FHIP2B: variants seen among roughly 807,000 people sequenced by gnomAD.
FHIP2B encodes the protein FHF complex subunit HOOK interacting protein 2B.
A neutral mutation model predicts 84.0 loss-of-function variants in FHIP2B; 72 were observed. That is an observed-to-expected ratio of 0.86 (90% CI 0.71 to 1.04). The LOEUF (loss-of-function observed/expected upper bound fraction) is 1.04. Ranked by LOEUF, FHIP2B falls within the 50% of genes least tolerant of loss-of-function variation. The probability of loss-of-function intolerance (pLI) is 0.00; values close to 1 mark genes in which losing one functional copy is unlikely to be tolerated. For synonymous variants in FHIP2B, 497 were observed against 418.7 expected (o/e 1.19, Z -2.28); for missense variants, 972 against 968.9 (o/e 1.00, Z -0.04).
Position 22,101,749 on chromosome 8 carries a change from T to C in FHIP2B, c.1749T>C (p.Pro583=). 3 of 1,613,316 alleles carry C rather than the reference T, an allele frequency of 1.9e-6. No individual in the cohort carries two copies. The highest frequency in any genetic ancestry group is 2.5e-6 in the Non-Finnish European group (3 of 1,179,714). Reference sequence around the variant, plus strand: ...CCCGCGTCGCCTCCTGGGGCTGGCCTCTGACCCCCACACCTTTGGACCCCC... The same window carrying C: ...CCCGCGTCGCCTCCTGGGGCTGGCCCCTGACCCCCACACCTTTGGACCCCC... ...CSSRVASWGW[P]LTPTPLDPHE... is the part of the protein sequence containing the mutation. The change falls in exon 14 of 17, where the codon CCT becomes CCC. Residue 583 remains proline (P), a synonymous_variant. Transcript: ENST00000289921.
intron 1 of FHIP2B, among the ~76,000 whole-genome samples, chr8:22,092,580 TG>T (rs1825549847): frequency 6.7e-6 from 1 of 148,328 alleles, no homozygotes; most frequent in Admixed American, 6.7e-5. Flanking sequence ...TTTTTTTTTT[TG>T]AGACTCTGTC....
At position 22,104,831 on chromosome 8, in the gene FHIP2B, T is replaced by TTAAAAAAAAAAAAAAAAAAA. The variant is rs370807518; in HGVS notation, c.*1900_*1901insTAAAAAAAAAAAAAAAAAAA. On this transcript the variant is annotated 3_prime_UTR_variant, in exon 17 of 17. Coordinates refer to ENST00000289921, the MANE Select transcript of FHIP2B (RefSeq NM_022749.7). ...CTGGGCAATAGAGTAAGACCCTGTC[T>TTAAAAAAAAAAAAAAAAAAA]AAAAAAAAAAAAAAAAAATTTCACA... 7.1e-5 allele frequency: 9 copies of TTAAAAAAAAAAAAAAAAAAA among 126,520 alleles called. No homozygotes were observed. Among genetic ancestry groups the TTAAAAAAAAAAAAAAAAAAA allele is most frequent in the Non-Finnish European group, 1.2e-4 (7 of 60,430 alleles). 7.8% of individuals were successfully genotyped at this position (126,520 alleles called of 1,614,324 possible).
chr8:22,089,865 G>A (rs1438522986), intron 1 of FHIP2B: 8 of 1,267,480 alleles, frequency 6.3e-6, no homozygotes, highest in African/African-American at 1.5e-5. Context: ...GTAAAGACCC[G>A]GGGCAGGCTG....
At chr8:22,101,653 G>A (rs1358193227) in intron 13 of FHIP2B, 55 bp from the exon 14 acceptor site, 3 of 1,568,716 alleles carry the variant, frequency 1.9e-6, no homozygotes, top group African/African-American at 2.7e-5. Flanking sequence ...GTGGGGCCCT[G>A]TCTGCTGGTT....
chr8:22,101,046 C>T (rs146064967), intron 12 of FHIP2B, 74 bp downstream of exon 12: 51 of 1,508,114 alleles, frequency 3.4e-5, no homozygotes, highest in African/African-American at 1.5e-4. Flanking sequence ...GATAGAGTCT[C>T]GCTCCGTCAC....
rs1339624724 is a variant in FHIP2B, at chr8:22,089,289, C to T, written c.36C>T (p.Ala12=). ...GGCTCGGGGCGCTGCTGCAGGAAGC[C>T]GTGGGGGCGGTGAGGCCGGCAGGGC... is the stretch of plus-strand genomic sequence containing the variant. The part of the protein sequence containing the change: ...LSRLGALLQE[A]VGAREPSIDL... The change falls in exon 1 of 17, where the codon GCC becomes GCT. Residue 12 remains alanine, a synonymous_variant. Transcript: ENST00000289921. 3.9e-6 allele frequency: 4 copies of T among 1,036,472 alleles called. No individual in the cohort carries two copies. The East Asian group carries it at 3.2e-4, about 83-fold the overall frequency. 64.2% of individuals were successfully genotyped at this position (1,036,472 alleles called of 1,614,324 possible).
chr8:22,089,421 C>T, intron 1 of FHIP2B, 123 bp downstream of exon 1: 1 of 441,072 alleles, frequency 2.3e-6, no homozygotes, highest in South Asian at 9.5e-5. Flanking sequence ...GGGCAGGGAC[C>T]CCCGGGCCGC....
chr8:22,097,391 C>T (rs539705413), intron 3 of FHIP2B, 125 bp from the exon 4 acceptor site: 57 of 615,890 alleles, frequency 9.3e-5, no homozygotes, highest in African/African-American at 9.0e-4. Context: ...GCCTCAGTAC[C>T]CCCCAGGCAT....
At position 22,089,305 on chromosome 8, in the gene FHIP2B, C is replaced by G; in HGVS notation, c.45+7C>G. The G allele has an allele frequency of 3.9e-6, 4 of 1,020,448 alleles. No homozygotes were observed. The highest frequency in any genetic ancestry group is 4.7e-6 in the Non-Finnish European group (4 of 854,436). The allele number at this position is 1,020,448 out of a possible 1,614,324, so 63.2% of individuals were successfully genotyped here. The stretch of plus-strand genomic sequence containing the variant: ...GCAGGAAGCCGTGGGGGCGGTGAGG[C>G]CGGCAGGGCCGGGCCGGGCCGCCGG... On this transcript the variant is annotated splice_region_variant and intron_variant, in intron 1 of 16. Transcript: ENST00000289921.
At chr8:22,100,450 C>A in intron 10 of FHIP2B, 144 bp from the exon 11 acceptor site, 1 of 866,508 alleles carries the variant, frequency 1.2e-6, no homozygotes, top group Non-Finnish European at 1.6e-6. Context: ...CCCCCAACTA[C>A]CCCCAAAACC....
chr8:22,098,723 C>T (rs1825936381), intron 7 of FHIP2B, 104 bp downstream of exon 7: 24 of 1,222,326 alleles, frequency 2.0e-5, no homozygotes, highest in South Asian at 3.1e-5. Context: ...CTAGGGACCC[C>T]TGCTGGCCAC....
chr8:22,099,422 C>T (rs1243501535), intron 9 of FHIP2B, 62 bp downstream of exon 9: 1 of 1,540,414 alleles, frequency 6.5e-7, no homozygotes, highest in Non-Finnish European at 8.9e-7. Context: ...CCCCACCCAG[C>T]CTCGTCCTGT....
At chr8:22,091,486 C>A (rs1050053657) in intron 1 of FHIP2B, among the ~76,000 whole-genome samples, 1 of 152,124 alleles carries the variant, frequency 6.6e-6, no homozygotes, top group African/African-American at 2.4e-5. Context: ...TTAAGTGATC[C>A]ACCTGCCTTG....
chr8:22,101,628 GC>G (rs150255734), intron 13 of FHIP2B, 79 bp from the exon 14 acceptor site: 48,179 of 1,557,516 alleles, frequency 0.031, 963 homozygotes, highest in Non-Finnish European at 0.036. Context: ...AAGGACCCCA[GC>G]CCATCCCTCC....
intron 1 of FHIP2B, chr8:22,089,844 C>T (rs1825380017): frequency 7.8e-7 from 1 of 1,283,576 alleles, no homozygotes; most frequent in Non-Finnish European, 1.0e-6. Context: ...CGGTCCAAGT[C>T]CCCACGAAGG....
rs1359109144 is a variant in FHIP2B at position 22,094,383 on chromosome 8, G to A, written c.46-57G>A. 14 of 1,521,414 alleles carry A rather than the reference G, an allele frequency of 9.2e-6. No homozygotes were observed. In the Middle Eastern group the frequency reaches 9.4e-4, roughly 102 times the overall value. The allele number at this position is 1,521,414 out of a possible 1,614,324, so 94.2% of individuals were successfully genotyped here. On this transcript the variant is annotated intron_variant, in intron 1 of 16. Transcript: ENST00000289921. ...ACTCAGAATATCTGTTCCCATGCGG[G>A]CAGGGGCTCCCTGGCCTTTGTGGCC...
chr8:22,097,742 C>A lies in FHIP2B; in HGVS notation c.428C>A (p.Ala143Asp). The A allele has an allele frequency of 1.2e-6, 2 of 1,613,306 alleles. No homozygotes were observed. Among genetic ancestry groups the A allele is most frequent in the Non-Finnish European group, 1.7e-6 (2 of 1,179,780 alleles). Reference protein sequence around the residue: ...VQKLLRLGGTASGSVTEKEEV... With the variant: ...VQKLLRLGGTDSGSVTEKEEV... ...AAACTCCTCCGACTTGGTGGGACTG[C>A]TTCCGGATCCGTTACAGAAAAGGAG... Residue 143 changes from alanine to aspartate, a missense_variant, in exon 5 of 17, where the codon GCT becomes GAT. Ala to Asp is a moderately radical substitution (Grantham distance 126). Coordinates refer to ENST00000289921, the MANE Select transcript of FHIP2B (RefSeq NM_022749.7).
intron 1 of FHIP2B, among the ~76,000 whole-genome samples, chr8:22,091,240 CTTTTTTTTT>C (rs71204535): frequency 1.7e-5 from 2 of 117,710 alleles, no homozygotes; most frequent in Non-Finnish European, 3.7e-5. Flanking sequence ...ATCATTACAG[CTTTTTTTTT>C]TTTTTTTTTT....
At chr8:22,094,560 C>G in intron 2 of FHIP2B, 42 bp downstream of exon 2, 1 of 1,606,026 alleles carries the variant, frequency 6.2e-7, no homozygotes, top group Non-Finnish European at 8.5e-7. Flanking sequence ...CTGGAGGGAG[C>G]GGGGAGGAAG....
Sources: allele counts gnomAD v4.1 joint callset (sites outside exome capture counted in the v4.1 genomes callset), GRCh38; gene constraint gnomAD v4.1.1; transcripts MANE v1.5; gene names NCBI Gene and HGNC (gene_info 2026-07-23, HGNC 2026-07-21).